MIPOL1: variants seen among roughly 807,000 people sequenced by gnomAD.
MIPOL1 encodes the protein mirror-image polydactyly gene 1 protein.
MIPOL1 carries 57 observed loss-of-function variants against 60.9 expected under a neutral mutation model. The observed-to-expected ratio is 0.94, with a 90% CI of 0.76 to 1.17. MIPOL1 has a LOEUF of 1.17. MIPOL1 is among the 50% of genes most tolerant of loss of function. MIPOL1 has a pLI of 0.00. For synonymous variants in MIPOL1, 179 were observed against 168.8 expected (o/e 1.06, Z -0.47); for missense variants, 551 against 511.6 (o/e 1.08, Z -0.74).
chr14:37,213,855 T>C (rs1203244248), intron 1 of MIPOL1, among the ~76,000 whole-genome samples: 2 of 152,166 alleles, frequency 1.3e-5, no homozygotes, highest in Non-Finnish European at 2.9e-5. Flanking sequence ...CAATGGTGCT[T>C]CGTTGTGGCT....
intron 11 of MIPOL1, among the ~76,000 whole-genome samples, chr14:37,440,611 CT>C (rs1388894197): frequency 6.6e-6 from 1 of 152,086 alleles, no homozygotes; most frequent in Non-Finnish European, 1.5e-5. Flanking sequence ...TGATTTCATT[CT>C]TTTTTATAGC....
intron 10 of MIPOL1, among the ~76,000 whole-genome samples, chr14:37,394,076 A>ATATATATATATATATATATATATATG (rs1566511034): frequency 7.3e-6 from 1 of 136,444 alleles, no homozygotes; most frequent in Non-Finnish European, 1.6e-5. Flanking sequence ...ATATATATAT[A>ATATATATATATATATATATATATATG]TATATATATC....
At chr14:37,396,397 G>A (rs2093371964) in intron 10 of MIPOL1, among the ~76,000 whole-genome samples, 1 of 152,032 alleles carries the variant, frequency 6.6e-6, no homozygotes, top group Non-Finnish European at 1.5e-5. Flanking sequence ...TTGTCTCACA[G>A]CTCTTAAGGT....
rs571866889 is a variant in MIPOL1 at position 37,205,288 on chromosome 14, G to C, written c.-199+7184G>C. 3.2e-4 allele frequency among the ~76,000 whole-genome samples: 48 copies of C among 152,002 alleles called. 1 individual carries two copies. Among genetic ancestry groups the C allele is most frequent in the Non-Finnish European group, 6.3e-4 (43 of 67,974 alleles). ...CAGCTAATTTTTTGTATTTTTAGTA[G>C]AGACAGGATTTCATCATGTTGGCCA... is the stretch of plus-strand genomic sequence containing the variant. On this transcript the variant is annotated intron_variant, in intron 1 of 12. Coordinates refer to ENST00000684589, the MANE Select transcript of MIPOL1 (RefSeq NM_001388067.1).
chr14:37,482,061 A>G (rs2094879227), intron 11 of MIPOL1, among the ~76,000 whole-genome samples: 1 of 150,434 alleles, frequency 6.6e-6, no homozygotes. Flanking sequence ...GCAACAAAAG[A>G]AAAAAATAGA....
intron 10 of MIPOL1, among the ~76,000 whole-genome samples, chr14:37,419,360 A>G (rs902821543): frequency 6.6e-6 from 1 of 152,154 alleles, no homozygotes. Context: ...GAAGGCATTG[A>G]CTCCAATGTT....
rs149831759 is a variant in MIPOL1, at chr14:37,428,582, T to G, written c.1031+5633T>G. Among the ~76,000 whole-genome samples, 393 of 152,100 alleles carry G rather than the reference T, an allele frequency of 2.6e-3. 2 individuals carry two copies. The highest frequency in any genetic ancestry group is 6.0e-3 in the East Asian group (31 of 5,172). ...CAGCCTGGGAAACAGAGTGAGACTCTGTCTCCCCAGTTTTTTTCTTCTTTA... is the reference window on the plus strand; with the variant it reads ...CAGCCTGGGAAACAGAGTGAGACTCGGTCTCCCCAGTTTTTTTCTTCTTTA... On this transcript the variant is annotated intron_variant, in intron 11 of 12. Coordinates refer to ENST00000684589, the MANE Select transcript of MIPOL1 (RefSeq NM_001388067.1).
chr14:37,438,396 A>C (rs2094194949), intron 11 of MIPOL1, among the ~76,000 whole-genome samples: 1 of 152,148 alleles, frequency 6.6e-6, no homozygotes, highest in African/African-American at 2.4e-5. Flanking sequence ...ACATCCTTGT[A>C]AGGCATCATC....
rs79107641 is a variant in MIPOL1 at position 37,214,248 on chromosome 14, A to C, written c.-199+16144A>C. Among the ~76,000 whole-genome samples the C allele has an allele frequency of 3.1e-3, 473 of 152,322 alleles. 11 individuals carry two copies. The East Asian group carries it at 0.048, about 15-fold the overall frequency. ...AGAAAGAATAAATGATAAACCAACA[A>C]AAAAGTAGTAACTTCAGCAACTTTT... On this transcript the variant is annotated intron_variant, in intron 1 of 12. Coordinates refer to ENST00000684589, the MANE Select transcript of MIPOL1 (RefSeq NM_001388067.1).
At chr14:37,419,351 A>G (rs1324777234) in intron 10 of MIPOL1, among the ~76,000 whole-genome samples, 1 of 152,224 alleles carries the variant, frequency 6.6e-6, no homozygotes, top group Admixed American at 6.5e-5. Flanking sequence ...GTGTGAAAAG[A>G]AGGCATTGAC....
intron 10 of MIPOL1, among the ~76,000 whole-genome samples, chr14:37,386,059 A>G (rs917929830): frequency 6.6e-6 from 1 of 152,030 alleles, no homozygotes; most frequent in Non-Finnish European, 1.5e-5. Context: ...TGGTTTGGAA[A>G]TAGGTTGAGT....
intron 9 of MIPOL1, among the ~76,000 whole-genome samples, chr14:37,320,261 T>C (rs1179755632): frequency 6.6e-6 from 1 of 152,138 alleles, no homozygotes; most frequent in Non-Finnish European, 1.5e-5. Context: ...TGTGCCAGTT[T>C]ACAGCAGCAA....
At chr14:37,229,702 A>C (rs962055775) in intron 1 of MIPOL1, among the ~76,000 whole-genome samples, 2 of 152,146 alleles carry the variant, frequency 1.3e-5, no homozygotes, top group African/African-American at 4.8e-5. Flanking sequence ...CTGGTGATTG[A>C]TTTTAGGGGC....
chr14:37,541,101 T>G (rs572778564), intron 12 of MIPOL1, among the ~76,000 whole-genome samples: 1 of 152,344 alleles, frequency 6.6e-6, no homozygotes, highest in East Asian at 1.9e-4. Context: ...GTTAATGACC[T>G]TTACCTTTTC....
chr14:37,214,644 T>C (rs1296005164), intron 1 of MIPOL1, among the ~76,000 whole-genome samples: 2 of 152,136 alleles, frequency 1.3e-5, no homozygotes, highest in African/African-American at 4.8e-5. Flanking sequence ...TCTACAATTA[T>C]AACCTGGGAA....
At chr14:37,335,233 G>GCACA (rs2090018517) in intron 9 of MIPOL1, among the ~76,000 whole-genome samples, 1 of 151,782 alleles carries the variant, frequency 6.6e-6, no homozygotes, top group Non-Finnish European at 1.5e-5. Context: ...GTGGTTTTTA[G>GCACA]TTTTTTGTCT....
chr14:37,503,175 G>A (rs1263834556), intron 12 of MIPOL1: 3 of 152,212 alleles, frequency 2.0e-5, no homozygotes, highest in Non-Finnish European at 2.9e-5. Context: ...ATGAAACCAA[G>A]TTGGAGAACA....
rs1386462361 is a variant in MIPOL1, at chr14:37,298,311, T to G, written c.624-9745T>G. Among the ~76,000 whole-genome samples, 4 of 152,042 alleles carry G rather than the reference T, an allele frequency of 2.6e-5. No individual in the cohort carries two copies. In the East Asian group the frequency reaches 7.7e-4, roughly 29 times the overall value. On this transcript the variant is annotated intron_variant, in intron 7 of 12. Transcript: ENST00000684589. ...ATACAAAAATTAATTCAAGATGGAT[T>G]AAAGACTTACATGTTAGACCTAAAA...
downstream of MIPOL1, chr14:37,551,361 G>C (rs1451424319): frequency 6.6e-6 from 1 of 151,816 alleles, no homozygotes; most frequent in Non-Finnish European, 1.5e-5. Context: ...ATATATTGCA[G>C]TAAGGAAACA....
Sources: gnomAD v4.1 joint callset for allele counts (sites outside exome capture counted in the v4.1 genomes callset) on GRCh38, gnomAD v4.1.1 for gene constraint, MANE v1.5 for transcripts, NCBI Gene and HGNC (gene_info 2026-07-23, HGNC 2026-07-21) for gene names.